The following DPY19L3 variants were observed in gnomAD, a reference collection of about 807,000 sequenced individuals.
DPY19L3 encodes protein C-mannosyl-transferase DPY19L3.
A neutral mutation model predicts 92.3 loss-of-function variants in DPY19L3; 51 were observed. The observed-to-expected ratio is 0.55, with a 90% CI of 0.44 to 0.70. The LOEUF is 0.70. Ranked by LOEUF, DPY19L3 falls within the 30% of genes least tolerant of loss-of-function variation. DPY19L3 has a pLI of 0.00. For synonymous variants in DPY19L3, 309 were observed against 315.2 expected (o/e 0.98, Z 0.21); for missense variants, 706 against 855.9 (o/e 0.82, Z 2.18).
At chr19:32,468,405 G>A (rs1970258953) in intron 15 of DPY19L3, 1 of 1,023,848 alleles carries the variant, frequency 9.8e-7, no homozygotes, top group Non-Finnish European at 1.2e-6. Flanking sequence ...TGGCATTCTT[G>A]TCATGTCAAA....
At chr19:32,426,080 G>T (rs1218121223) in intron 3 of DPY19L3, among the ~76,000 whole-genome samples, 1 of 152,174 alleles carries the variant, frequency 6.6e-6, no homozygotes, top group African/African-American at 2.4e-5. Context: ...TGGATGACTT[G>T]CTGCAGCTTT....
intron 16 of DPY19L3, among the ~76,000 whole-genome samples, chr19:32,475,795 C>T (rs1016452834): frequency 4.6e-5 from 7 of 152,174 alleles, no homozygotes; most frequent in Admixed American, 3.9e-4. Context: ...ATTGTTGATA[C>T]GGGGAACAGA....
intron 15 of DPY19L3, among the ~76,000 whole-genome samples, chr19:32,465,024 A>T (rs1159908999): frequency 6.6e-6 from 1 of 152,238 alleles, no homozygotes; most frequent in Non-Finnish European, 1.5e-5. Flanking sequence ...ATTAATTTTG[A>T]TTTAGACTCT....
chr19:32,408,366 T>C lies in DPY19L3; in HGVS notation c.103+10T>C. On this transcript the variant is annotated intron_variant, in intron 2 of 18. Coordinates refer to ENST00000392250, the MANE Select transcript of DPY19L3 (RefSeq NM_001172774.2). ...AATAAATTGCCATCTGGTAGGTGAT[T>C]TAAACTAAAGCAGCAATTTGGGTTG... is the stretch of plus-strand genomic sequence containing the variant. The C allele has an allele frequency of 1.2e-6, 2 of 1,602,226 alleles. No individual in the cohort carries two copies. The highest frequency in any genetic ancestry group is 1.1e-5 in the South Asian group (1 of 90,394).
chr19:32,406,965 A>G (rs1400840364), intron 1 of DPY19L3, among the ~76,000 whole-genome samples: 1 of 149,146 alleles, frequency 6.7e-6, no homozygotes, highest in East Asian at 2.0e-4. Flanking sequence ...CTCCATTTCC[A>G]GTGCTTGAAA....
intron 4 of DPY19L3, among the ~76,000 whole-genome samples, chr19:32,434,733 C>G (rs879808451): frequency 2.0e-5 from 3 of 152,222 alleles, no homozygotes; most frequent in Non-Finnish European, 4.4e-5. Flanking sequence ...TTTATTTTCT[C>G]ACAATTCAGG....
chr19:32,439,090 A>G lies in DPY19L3; in HGVS notation c.597-22A>G, dbSNP rs751466193. 6.3e-6 allele frequency: 10 copies of G among 1,587,534 alleles called. No homozygotes were observed. In the Admixed American group the frequency reaches 7.2e-5, roughly 11 times the overall value. ...TATTGTAAAAACTATCACTTTGGCC[A>G]TTTGTGTTTTCTTTTGTGCAGAATA... On this transcript the variant is annotated intron_variant, in intron 6 of 18. Transcript: ENST00000392250.
chr19:32,447,686 A>G (rs2145537376), intron 8 of DPY19L3, among the ~76,000 whole-genome samples: 1 of 152,174 alleles, frequency 6.6e-6, no homozygotes, highest in Middle Eastern at 3.4e-3. Context: ...ATTGCACCCC[A>G]GCCTGGGCAA....
chr19:32,421,326 G>C (rs1043012587), intron 3 of DPY19L3, among the ~76,000 whole-genome samples: 39 of 152,128 alleles, frequency 2.6e-4, no homozygotes, highest in Non-Finnish European at 4.1e-4. Flanking sequence ...AAATCCAGTG[G>C]CACTCAGAAA....
In DPY19L3 at chr19:32,436,569, T is replaced by C; in HGVS notation, c.450+2T>C. 6.7e-7 allele frequency: 1 copy of C among 1,494,208 alleles called. No homozygotes were observed. Among genetic ancestry groups the C allele is most frequent in the Admixed American group, 2.2e-5 (1 of 45,494 alleles). 92.6% of individuals were successfully genotyped at this position (1,494,208 alleles called of 1,614,324 possible). On this transcript the variant is annotated splice_donor_variant, in intron 5 of 18. Coordinates refer to ENST00000392250, the MANE Select transcript of DPY19L3 (RefSeq NM_001172774.2). LOFTEE classifies it high-confidence loss of function. ...TTATATAGAGTTCTACCCATACAGG[T>C]ATGTTTTGTGATATTGAATTATTAA...
chr19:32,431,387 A>G (rs1293007185), intron 3 of DPY19L3, among the ~76,000 whole-genome samples: 1 of 151,992 alleles, frequency 6.6e-6, no homozygotes, highest in Non-Finnish European at 1.5e-5. Flanking sequence ...AAAAAAAAAA[A>G]ACAGATCGAA....
chr19:32,426,123 G>C (rs1433541180), intron 3 of DPY19L3, among the ~76,000 whole-genome samples: 2 of 152,154 alleles, frequency 1.3e-5, no homozygotes, highest in South Asian at 2.1e-4. Flanking sequence ...CCTTGCACTT[G>C]TATGTTAGGG....
At chr19:32,443,136 T>G (rs1353340112) in intron 8 of DPY19L3, among the ~76,000 whole-genome samples, 2 of 152,130 alleles carry the variant, frequency 1.3e-5, no homozygotes, top group Non-Finnish European at 2.9e-5. Context: ...TAGGGAGCAG[T>G]GGTGACGCAC....
chr19:32,476,548 AGAG>A (rs1258984815), intron 16 of DPY19L3, among the ~76,000 whole-genome samples: 1 of 148,844 alleles, frequency 6.7e-6, no homozygotes, highest in Non-Finnish European at 1.5e-5. Context: ...AAAAAAAAAA[AGAG>A]GAAAGGAATT....
At position 32,453,004 on chromosome 19, in the gene DPY19L3, G is replaced by A. The variant is rs1000602113; in HGVS notation, c.856-141G>A. 3.0e-6 allele frequency: 3 copies of A among 1,009,092 alleles called. No homozygotes were observed. The African/African-American group carries it at 4.9e-5, about 17-fold the overall frequency. 62.5% of individuals were successfully genotyped at this position (1,009,092 alleles called of 1,614,324 possible). ...TTACAGATGTGAGCCACCGCGCCTG[G>A]CCTAGATTGTGTTTCTTGAATCTAC... On this transcript the variant is annotated intron_variant, in intron 8 of 18. Transcript: ENST00000392250.
intron 3 of DPY19L3, chr19:32,411,612 G>C: frequency 2.3e-6 from 1 of 434,602 alleles, no homozygotes; most frequent in Non-Finnish European, 4.0e-6. Context: ...CTGTCACCCA[G>C]GCTGGAGTGC....
intron 17 of DPY19L3, among the ~76,000 whole-genome samples, chr19:32,479,370 G>A (rs1167615208): frequency 6.6e-6 from 1 of 152,058 alleles, no homozygotes; most frequent in Non-Finnish European, 1.5e-5. Flanking sequence ...CGAGTGCACA[G>A]AACGTCCTGG....
At chr19:32,417,998 A>G (rs1478053559) in intron 3 of DPY19L3, among the ~76,000 whole-genome samples, 2 of 152,128 alleles carry the variant, frequency 1.3e-5, no homozygotes, top group East Asian at 1.9e-4. Flanking sequence ...TGAAGGCAGG[A>G]GTTCCGTCTG....
intron 15 of DPY19L3, 65 bp downstream of exon 15, chr19:32,464,849 A>C: frequency 8.5e-7 from 1 of 1,170,544 alleles, no homozygotes; most frequent in Non-Finnish European, 1.2e-6. Context: ...TTGATTCAAT[A>C]TATTTTGTGT....
Sources: gnomAD v4.1 joint callset for allele counts (sites outside exome capture counted in the v4.1 genomes callset) on GRCh38, gnomAD v4.1.1 for gene constraint, MANE v1.5 for transcripts, NCBI Gene and HGNC (gene_info 2026-07-23, HGNC 2026-07-21) for gene names.